The following PCDHA7 variants were observed in gnomAD, a reference collection of about 807,000 sequenced individuals.
PCDHA7 encodes the protein protocadherin alpha 7.
PCDHA7 carries 37 observed loss-of-function variants against 57.2 expected under a neutral mutation model. The ratio of observed to expected loss-of-function variants is 0.65; its 90% CI spans 0.50 to 0.85. The LOEUF (loss-of-function observed/expected upper bound fraction) is 0.85, where lower values mean the gene tolerates loss of function less well. Ranked by LOEUF, PCDHA7 falls within the 40% of genes least tolerant of loss-of-function variation. The pLI, the probability that PCDHA7 is intolerant of heterozygous loss-of-function variation, is 0.00. For missense variants in PCDHA7, 1,188 were observed against 1,241.8 expected (o/e 0.96, Z 0.65); for synonymous variants, 553 against 558.8 (o/e 0.99, Z 0.15).
At position 140,964,709 on chromosome 5, in the gene PCDHA7, A is replaced by G. The variant is rs115609419; in HGVS notation, c.2356-14240A>G. On this transcript the variant is annotated intron_variant, in intron 1 of 3. Coordinates refer to ENST00000525929, the MANE Select transcript of PCDHA7 (RefSeq NM_018910.3). ...CACTTGAGAGATTAAGGCCTCCGAG[A>G]TCAAATTACCACAGCAAACTGAGAC... is the stretch of plus-strand genomic sequence containing the variant. Among the ~76,000 whole-genome samples the G allele has an allele frequency of 4.5e-3, 689 of 152,134 alleles. 3 individuals are homozygous for G. Among genetic ancestry groups the G allele is most frequent in the African/African-American group, 0.016 (667 of 41,492 alleles).
At chr5:140,847,164 T>C (rs1780885642) in intron 1 of PCDHA7, among the ~76,000 whole-genome samples, 1 of 149,534 alleles carries the variant, frequency 6.7e-6, no homozygotes, top group Non-Finnish European at 1.5e-5. Flanking sequence ...TTCTGAGTAA[T>C]AAACTAAAGG....
At chr5:140,867,932 T>C (rs2050205695) in intron 1 of PCDHA7, 1 of 152,146 alleles carries the variant, frequency 6.6e-6, no homozygotes, top group Non-Finnish European at 1.5e-5. Context: ...TTCCCTTGTT[T>C]TCCATGAACT....
At chr5:140,927,679 G>A (rs782403424) in intron 1 of PCDHA7, 11 of 1,614,188 alleles carry the variant, frequency 6.8e-6, no homozygotes, top group Non-Finnish European at 5.1e-6. Flanking sequence ...TCCAGATGAA[G>A]GGTCCAATGG....
intron 1 of PCDHA7, among the ~76,000 whole-genome samples, chr5:140,933,619 T>C (rs2089273151): frequency 2.6e-5 from 4 of 152,058 alleles, no homozygotes; most frequent in Non-Finnish European, 2.9e-5. Flanking sequence ...TCTTATTAGG[T>C]TAGGCTGGCC....
chr5:140,856,648 T>G (rs2044130273), intron 1 of PCDHA7: 1 of 1,598,174 alleles, frequency 6.3e-7, no homozygotes, highest in African/African-American at 1.3e-5. Flanking sequence ...AGCTGCTGGA[T>G]CGTGAAGAAA....
chr5:140,906,761 A>G (rs896512633), intron 1 of PCDHA7, among the ~76,000 whole-genome samples: 2 of 152,204 alleles, frequency 1.3e-5, no homozygotes, highest in Non-Finnish European at 2.9e-5. Flanking sequence ...GGTAATACTA[A>G]GAGACACCCT....
At chr5:140,902,071 T>G (rs1288333473) in intron 1 of PCDHA7, among the ~76,000 whole-genome samples, 1 of 152,186 alleles carries the variant, frequency 6.6e-6, no homozygotes, top group African/African-American at 2.4e-5. Flanking sequence ...TTTACTGAAT[T>G]TATTGTTTTA....
At chr5:140,962,541 A>AGTT (rs2095690394) in intron 1 of PCDHA7, among the ~76,000 whole-genome samples, 1 of 152,220 alleles carries the variant, frequency 6.6e-6, no homozygotes, top group Non-Finnish European at 1.5e-5. Flanking sequence ...AGAACTAAAA[A>AGTT]TGTAGAGGAT....
chr5:140,953,901 A>G (rs1354951706), intron 1 of PCDHA7, among the ~76,000 whole-genome samples: 1 of 152,156 alleles, frequency 6.6e-6, no homozygotes, highest in Admixed American at 6.5e-5. Flanking sequence ...TATTAAGCCC[A>G]GCATCCATTA....
chr5:140,919,352 T>G (rs1406850241), intron 1 of PCDHA7, among the ~76,000 whole-genome samples: 1 of 152,222 alleles, frequency 6.6e-6, no homozygotes, highest in Non-Finnish European at 1.5e-5. Flanking sequence ...TCTTTGAATC[T>G]AAAAGTGTCT....
At chr5:140,908,578 G>C (rs2074039304) in intron 1 of PCDHA7, among the ~76,000 whole-genome samples, 1 of 152,196 alleles carries the variant, frequency 6.6e-6, no homozygotes, top group South Asian at 2.1e-4. Flanking sequence ...CAAAAGGAGA[G>C]TAGTTAGCTG....
chr5:140,838,266 A>G (rs1554136963), intron 1 of PCDHA7, among the ~76,000 whole-genome samples: 4 of 140,468 alleles, frequency 2.8e-5, no homozygotes, highest in Non-Finnish European at 6.1e-5. Flanking sequence ...GACGCCAACA[A>G]CCAAGCCATG....
intron 3 of PCDHA7, among the ~76,000 whole-genome samples, chr5:140,991,237 A>G (rs2097440162): frequency 6.6e-6 from 1 of 152,186 alleles, no homozygotes; most frequent in African/African-American, 2.4e-5. Context: ...ATGCAGTGGT[A>G]AAGGCAGTAT....
intron 1 of PCDHA7, chr5:140,876,650 T>C (rs782068706): frequency 3.1e-6 from 5 of 1,614,162 alleles, no homozygotes; most frequent in South Asian, 2.2e-5. Context: ...ACACCTCATG[T>C]TCCCTTCAAG....
chr5:140,871,729 G>C, intron 1 of PCDHA7: 1 of 714,516 alleles, frequency 1.4e-6, no homozygotes, highest in Admixed American at 3.4e-5. Context: ...TTAATATTTG[G>C]TTAGCAAATC....
chr5:140,952,724 C>T (rs1481919445), intron 1 of PCDHA7, among the ~76,000 whole-genome samples: 1 of 152,100 alleles, frequency 6.6e-6, no homozygotes, highest in African/African-American at 2.4e-5. Flanking sequence ...ATTTTCTGTA[C>T]TAGTCTTTTC....
intron 1 of PCDHA7, among the ~76,000 whole-genome samples, chr5:140,943,341 G>T (rs1021651625): frequency 5.3e-5 from 8 of 151,780 alleles, no homozygotes; most frequent in African/African-American, 1.9e-4. Context: ...CATTGGACAG[G>T]ATGAGAGTAG....
At chr5:140,870,830 T>C in intron 1 of PCDHA7, 1 of 1,613,762 alleles carries the variant, frequency 6.2e-7, no homozygotes. Context: ...GGAGGCGCAG[T>C]TAACAAGCTA....
chr5:140,871,484 A>G, intron 1 of PCDHA7: 1 of 1,592,270 alleles, frequency 6.3e-7, no homozygotes, highest in Non-Finnish European at 8.6e-7. Context: ...GGGTCAAATC[A>G]CCCCGGACAG....
Sources: gnomAD v4.1 joint callset for allele counts (sites outside exome capture counted in the v4.1 genomes callset) on GRCh38, gnomAD v4.1.1 for gene constraint, MANE v1.5 for transcripts, NCBI Gene and HGNC (gene_info 2026-07-23, HGNC 2026-07-21) for gene names.